The following PARN variants were observed in gnomAD, a reference collection of about 807,000 sequenced individuals.
PARN encodes poly(A)-specific ribonuclease.
In PARN, 71 loss-of-function variants were observed where a neutral mutation model predicts 102.8. The ratio of observed to expected loss-of-function variants is 0.69; its 90% CI spans 0.57 to 0.84. The LOEUF (loss-of-function observed/expected upper bound fraction) is 0.84. Ranked by LOEUF, PARN falls within the 40% of genes least tolerant of loss-of-function variation. The pLI is 0.00. For missense variants in PARN, 782 were observed against 760.9 expected (o/e 1.03, Z -0.33); for synonymous variants, 261 against 252.9 (o/e 1.03, Z -0.30).
chr16:14,599,161 G>T (rs1970726867), intron 12 of PARN, among the ~76,000 whole-genome samples: 1 of 146,660 alleles, frequency 6.8e-6, no homozygotes. Flanking sequence ...TCCCACCTCA[G>T]CCTCCCAAGT....
chr16:14,457,962 G>C (rs1052885445), intron 22 of PARN, among the ~76,000 whole-genome samples: 1 of 151,646 alleles, frequency 6.6e-6, no homozygotes, highest in African/African-American at 2.4e-5. Flanking sequence ...GAGAGAGACA[G>C]AGAAAACATG....
At chr16:14,606,971 C>T (rs1282388481) in intron 9 of PARN, among the ~76,000 whole-genome samples, 1 of 151,820 alleles carries the variant, frequency 6.6e-6, no homozygotes, top group Non-Finnish European at 1.5e-5. Flanking sequence ...TTAGTAGAAA[C>T]GGGGTTTCAC....
intron 22 of PARN, among the ~76,000 whole-genome samples, chr16:14,450,410 A>G (rs1961398652): frequency 1.3e-5 from 2 of 152,210 alleles, no homozygotes; most frequent in South Asian, 4.1e-4. Flanking sequence ...AAATATTAGA[A>G]TAAGGGAAGA....
At chr16:14,474,436 T>A (rs552506192) in intron 22 of PARN, among the ~76,000 whole-genome samples, 1 of 152,330 alleles carries the variant, frequency 6.6e-6, no homozygotes, top group East Asian at 1.9e-4. Context: ...AAAACTCTAA[T>A]CTTCAGGTTT....
chr16:14,453,408 A>G (rs1418609794), intron 22 of PARN, among the ~76,000 whole-genome samples: 1 of 152,228 alleles, frequency 6.6e-6, no homozygotes, highest in Non-Finnish European at 1.5e-5. Context: ...AGCAATAACA[A>G]AAATCTAGCT....
intron 23 of PARN, among the ~76,000 whole-genome samples, chr16:14,445,055 C>T (rs573190489): frequency 2.7e-5 from 4 of 148,978 alleles, no homozygotes; most frequent in South Asian, 2.2e-4. Flanking sequence ...CTCAAACTCC[C>T]GGGCTCAGGT....
At chr16:14,624,786 G>GC (rs1348153293) in intron 5 of PARN, among the ~76,000 whole-genome samples, 1 of 151,856 alleles carries the variant, frequency 6.6e-6, no homozygotes, top group Non-Finnish European at 1.5e-5. Flanking sequence ...GTGTGGTGGT[G>GC]CATGCCTGTA....
intron 21 of PARN, among the ~76,000 whole-genome samples, chr16:14,506,546 A>G (rs1964903544): frequency 6.6e-6 from 1 of 152,258 alleles, no homozygotes; most frequent in Admixed American, 6.5e-5. Flanking sequence ...TCTGACTCTC[A>G]AGTAGTTTAG....
intron 18 of PARN, among the ~76,000 whole-genome samples, chr16:14,564,532 G>A (rs376120907): frequency 1.3e-5 from 2 of 152,290 alleles, no homozygotes; most frequent in South Asian, 2.1e-4. Context: ...CCCACACACC[G>A]TGATCACCAT....
chr16:14,495,797 G>T (rs1044976086), intron 21 of PARN, among the ~76,000 whole-genome samples: 1 of 152,196 alleles, frequency 6.6e-6, no homozygotes, highest in African/African-American at 2.4e-5. Flanking sequence ...GCACATGGTG[G>T]GGACACATGT....
chr16:14,451,323 C>T (rs1005709696), intron 22 of PARN, among the ~76,000 whole-genome samples: 39 of 152,202 alleles, frequency 2.6e-4, no homozygotes, highest in African/African-American at 8.9e-4. Context: ...ATAAACTCTG[C>T]TTTTCTGTCT....
intron 21 of PARN, among the ~76,000 whole-genome samples, chr16:14,500,592 T>C (rs1964537219): frequency 6.6e-6 from 1 of 152,150 alleles, no homozygotes; most frequent in Non-Finnish European, 1.5e-5. Context: ...CTCTCTACAT[T>C]TCTTTCCCTA....
intron 18 of PARN, among the ~76,000 whole-genome samples, chr16:14,580,268 C>T (rs1596735744): frequency 6.6e-6 from 1 of 151,814 alleles, no homozygotes; most frequent in Admixed American, 6.6e-5. Context: ...CCGCGCCTGG[C>T]CAGGAAATTT....
chr16:14,554,212 C>T, intron 19 of PARN, 61 bp from the exon 20 acceptor site: 2 of 1,125,924 alleles, frequency 1.8e-6, no homozygotes. Context: ...AAACCAGTGA[C>T]TCTTTGATGA....
At chr16:14,521,330 G>C (rs16963767) in intron 21 of PARN, among the ~76,000 whole-genome samples, 2 of 152,132 alleles carry the variant, frequency 1.3e-5, no homozygotes, top group Admixed American at 1.3e-4. Flanking sequence ...TTGCCAAAAA[G>C]TTCTATGGCC....
intron 22 of PARN, among the ~76,000 whole-genome samples, chr16:14,450,442 T>C (rs1043041514): frequency 2.0e-5 from 3 of 152,162 alleles, no homozygotes; most frequent in Admixed American, 6.5e-5. Flanking sequence ...CCTCTGAGGA[T>C]AGACTGAAAT....
intron 18 of PARN, among the ~76,000 whole-genome samples, chr16:14,580,259 C>T (rs1025622543): frequency 2.6e-5 from 4 of 151,480 alleles, no homozygotes; most frequent in South Asian, 2.1e-4. Flanking sequence ...CGTGAGCCAC[C>T]GCGCCTGGCC....
At chr16:14,527,064 A>G (rs1042905504) in intron 21 of PARN, among the ~76,000 whole-genome samples, 1 of 152,254 alleles carries the variant, frequency 6.6e-6, no homozygotes, top group African/African-American at 2.4e-5. Flanking sequence ...AATAAAATGT[A>G]TAGAGGTCAA....
intron 22 of PARN, among the ~76,000 whole-genome samples, chr16:14,475,153 T>C (rs576732966): frequency 6.6e-6 from 1 of 152,222 alleles, no homozygotes. Flanking sequence ...TCAGTTGAGA[T>C]AAACCAAAGA....
Sources: allele counts gnomAD v4.1 joint callset (sites outside exome capture counted in the v4.1 genomes callset), GRCh38; gene constraint gnomAD v4.1.1; transcripts MANE v1.5; gene names NCBI Gene and HGNC (gene_info 2026-07-23, HGNC 2026-07-21).